The following ULK2 variants were observed in gnomAD, a reference collection of about 807,000 sequenced individuals.
ULK2 encodes serine/threonine-protein kinase ULK2.
A neutral mutation model predicts 127.5 loss-of-function variants in ULK2; 76 were observed. The ratio of observed to expected loss-of-function variants is 0.60; its 90% CI spans 0.50 to 0.72. The LOEUF is 0.72. Among genes scored for constraint, ULK2 ranks in the 30% least tolerant of loss-of-function variants. The pLI is 0.00. For missense variants in ULK2, 1,144 were observed against 1,295.9 expected, an observed-to-expected ratio of 0.88 and a Z score of 1.80; for synonymous variants, 452 against 461.9, an observed-to-expected ratio of 0.98 and a Z score of 0.28.
At position 19,825,136 on chromosome 17, in the gene ULK2, G is replaced by A. The variant is rs761404298; in HGVS notation, c.882C>T (p.Ser294=). The A allele has an allele frequency of 2.5e-6, 4 of 1,614,072 alleles. No individual in the cohort carries two copies. Among genetic ancestry groups the A allele is most frequent in the African/African-American group, 1.3e-5 (1 of 74,932 alleles). ...VPMYSGSVSG[S]SCGSSPSCRF... ...GACAAGATGGAGAGCTGCCACAGGA[G>A]CTTCCAGAGACAGAACCAGAATACA... Residue 294 remains serine, a synonymous_variant, in exon 12 of 27, where the codon AGC becomes AGT. Transcript: ENST00000395544.
intron 15 of ULK2, among the ~76,000 whole-genome samples, chr17:19,804,453 T>C (rs1282064749): frequency 1.3e-5 from 2 of 151,822 alleles, no homozygotes; most frequent in Non-Finnish European, 2.9e-5. Flanking sequence ...TCTATACACA[T>C]GTATACTTAA....
chr17:19,826,850 G>A lies in ULK2; in HGVS notation c.788-664C>T, dbSNP rs558537059. 1.2e-3 allele frequency among the ~76,000 whole-genome samples: 177 copies of A among 152,034 alleles called. 3 individuals carry two copies. Among genetic ancestry groups the A allele is most frequent in the Admixed American group, 7.2e-4 (11 of 15,280 alleles). Reference sequence around the variant, plus strand: ...CCGGCGCCTGTAGTCCCAGCTACTCGGGAGGCTGAGGCAGGAGAATGGCGT... The same window carrying A: ...CCGGCGCCTGTAGTCCCAGCTACTCAGGAGGCTGAGGCAGGAGAATGGCGT... On this transcript the variant is annotated intron_variant, in intron 10 of 26. Transcript: ENST00000395544.
At chr17:19,788,453 C>T (rs184525582) in intron 20 of ULK2, among the ~76,000 whole-genome samples, 1 of 152,060 alleles carries the variant, frequency 6.6e-6, no homozygotes, top group East Asian at 1.9e-4. Context: ...CATTTCTAAA[C>T]ACACCCTGAG....
chr17:19,845,843 C>T (rs183982), intron 6 of ULK2, among the ~76,000 whole-genome samples: 152,296 of 152,300 alleles, frequency 1, 76,146 homozygotes, highest in Non-Finnish European at 1. Context: ...GCGTGGTGGC[C>T]CACACCTATA....
intron 14 of ULK2, among the ~76,000 whole-genome samples, chr17:19,809,625 C>T (rs2087585947): frequency 6.8e-6 from 1 of 148,142 alleles, no homozygotes. Context: ...CCCATCTACT[C>T]AGGAGGCTGA....
rs1567671906 is a variant in ULK2 at position 19,781,026 on chromosome 17, G to C, written c.2718C>G (p.Ile906Met). ...TGGATGGGCTCAGTTTCCCGGACTT[G>C]ATCTGGGCTTTGGCAAGATGCAGAG... is the stretch of plus-strand genomic sequence containing the variant. ...AASLHLAKAQ[I>M]KSGKLSPSTA... is the part of the protein sequence containing the mutation. Residue 906 changes from isoleucine (I) to methionine (M), a missense_variant, in exon 24 of 27, where the codon ATC becomes ATG. Ile to Met is a conservative substitution (Grantham distance 10). Coordinates refer to ENST00000395544, the MANE Select transcript of ULK2 (RefSeq NM_014683.4). The C allele has an allele frequency of 1.2e-6, 2 of 1,614,010 alleles. No homozygotes were observed. The highest frequency in any genetic ancestry group is 8.5e-7 in the Non-Finnish European group (1 of 1,180,016).
intron 10 of ULK2, among the ~76,000 whole-genome samples, chr17:19,835,031 A>G (rs2041557152): frequency 6.6e-6 from 1 of 152,160 alleles, no homozygotes; most frequent in Non-Finnish European, 1.5e-5. Flanking sequence ...CCCACTGCTG[A>G]GATTACAACA....
chr17:19,805,730 A>G (rs1315199608), intron 14 of ULK2, among the ~76,000 whole-genome samples: 4 of 152,174 alleles, frequency 2.6e-5, no homozygotes, highest in African/African-American at 4.8e-5. Context: ...AAATGTGAGC[A>G]TGCTTGCTGG....
Position 19,793,431 on chromosome 17 carries a change from C to T in ULK2, c.2101+2191G>A, listed in dbSNP as rs546111385. 6.6e-5 allele frequency among the ~76,000 whole-genome samples: 10 copies of T among 152,286 alleles called. No individual in the cohort carries two copies. The South Asian group carries it at 8.3e-4, about 13-fold the overall frequency. On this transcript the variant is annotated intron_variant, in intron 20 of 26. Transcript: ENST00000395544. Reference sequence around the variant, plus strand: ...GAAAGAATAGTCTTCAATGGTGCTGCGACCACTGAATAGCCCATCCAAAAG... The same window carrying T: ...GAAAGAATAGTCTTCAATGGTGCTGTGACCACTGAATAGCCCATCCAAAAG...
intron 14 of ULK2, among the ~76,000 whole-genome samples, chr17:19,807,598 A>C (rs1277857924): frequency 6.6e-6 from 1 of 152,084 alleles, no homozygotes; most frequent in African/African-American, 2.4e-5. Flanking sequence ...CTGGTAAAGG[A>C]AAGTTCAAGA....
At chr17:19,780,896 T>A in intron 24 of ULK2, 90 bp downstream of exon 24, 2 of 1,249,676 alleles carry the variant, frequency 1.6e-6, no homozygotes, top group Non-Finnish European at 2.3e-6. Flanking sequence ...AAAACAACAG[T>A]GAGTACTCAT....
chr17:19,852,282 G>A (rs2042033981), intron 3 of ULK2, among the ~76,000 whole-genome samples: 1 of 151,892 alleles, frequency 6.6e-6, no homozygotes, highest in Non-Finnish European at 1.5e-5. Context: ...AGCACTTTGG[G>A]AGGCCGAGAC....
At chr17:19,826,110 A>C (rs760327242) in intron 11 of ULK2, 29 bp downstream of exon 11, 1 of 1,363,914 alleles carries the variant, frequency 7.3e-7, no homozygotes, top group Non-Finnish European at 9.7e-7. Context: ...TTCATTCTTT[A>C]AGTGAAAATA....
intron 23 of ULK2, 62 bp from the exon 24 acceptor site, chr17:19,781,166 A>G: frequency 7.2e-7 from 1 of 1,384,796 alleles, no homozygotes; most frequent in Admixed American, 1.8e-5. Context: ...GTGGCACTCT[A>G]CACAACAGGT....
At chr17:19,809,113 C>T (rs2087573040) in intron 14 of ULK2, among the ~76,000 whole-genome samples, 2 of 152,182 alleles carry the variant, frequency 1.3e-5, no homozygotes, top group Non-Finnish European at 2.9e-5. Flanking sequence ...AAGCCTGTCA[C>T]ATACCACAAC....
At chr17:19,825,251 A>T in intron 11 of ULK2, 69 bp from the exon 12 acceptor site, 1 of 1,297,970 alleles carries the variant, frequency 7.7e-7, no homozygotes, top group Admixed American at 2.0e-5. Context: ...TAACAGAAAC[A>T]CTTGCCAAAA....
At chr17:19,843,282 TATTA>T (rs1366216839) in intron 7 of ULK2, 60 bp from the exon 8 acceptor site, 3 of 1,112,226 alleles carry the variant, frequency 2.7e-6, no homozygotes, top group South Asian at 1.7e-5. Flanking sequence ...AATATGCACA[TATTA>T]ATTAACTGGT....
At chr17:19,834,545 A>G in intron 10 of ULK2, among the ~76,000 whole-genome samples, 1 of 152,070 alleles carries the variant, frequency 6.6e-6, no homozygotes, top group Non-Finnish European at 1.5e-5. Flanking sequence ...GAAAAAAAAA[A>G]TGACACCAAA....
chr17:19,777,258 T>C (rs985618426), intron 26 of ULK2, among the ~76,000 whole-genome samples: 1 of 152,208 alleles, frequency 6.6e-6, no homozygotes, highest in South Asian at 2.1e-4. Context: ...GTATGCGCCA[T>C]GATGCACAGC....
Sources: allele counts gnomAD v4.1 joint callset (sites outside exome capture counted in the v4.1 genomes callset), GRCh38; gene constraint gnomAD v4.1.1; transcripts MANE v1.5; gene names NCBI Gene and HGNC (gene_info 2026-07-23, HGNC 2026-07-21).